NEK11: variants seen among roughly 807,000 people sequenced by gnomAD.
NEK11 encodes NIMA related kinase 11.
In NEK11, 72 loss-of-function variants were observed where a neutral mutation model predicts 80.7. The observed-to-expected ratio is 0.89, with a 90% CI of 0.74 to 1.08. NEK11 has a LOEUF of 1.08. Ranked by LOEUF, NEK11 falls within the 50% of genes least tolerant of loss-of-function variation. The probability of loss-of-function intolerance (pLI) is 0.00; values close to 1 mark genes in which losing one functional copy is unlikely to be tolerated. For synonymous variants in NEK11, 251 were observed against 260.7 expected (o/e 0.96, Z 0.36); for missense variants, 764 against 763.6 (o/e 1.00, Z -0.01).
chr3:131,174,344 C>G (rs2150097353), intron 14 of NEK11, among the ~76,000 whole-genome samples: 1 of 152,130 alleles, frequency 6.6e-6, no homozygotes, highest in East Asian at 1.9e-4. Context: ...TATTTTTTGC[C>G]TTTTAGAAGA....
intron 17 of NEK11, among the ~76,000 whole-genome samples, chr3:131,341,776 A>G (rs1225157024): frequency 6.6e-6 from 1 of 152,086 alleles, no homozygotes; most frequent in East Asian, 1.9e-4. Flanking sequence ...TTTAACTTAA[A>G]ATGTATTTTT....
chr3:131,230,840 T>C (rs2095315258), intron 15 of NEK11, among the ~76,000 whole-genome samples: 1 of 152,188 alleles, frequency 6.6e-6, no homozygotes, highest in South Asian at 2.1e-4. Flanking sequence ...CCATGTGTTA[T>C]GGGAGGGACA....
intron 16 of NEK11, among the ~76,000 whole-genome samples, chr3:131,272,511 T>C (rs1246498804): frequency 1.4e-5 from 2 of 141,852 alleles, no homozygotes; most frequent in Non-Finnish European, 3.0e-5. Flanking sequence ...AGCCTTGTTC[T>C]TTCACCCAGG....
chr3:131,208,376 A>G (rs1244782939), intron 14 of NEK11, among the ~76,000 whole-genome samples: 1 of 152,134 alleles, frequency 6.6e-6, no homozygotes, highest in Non-Finnish European at 1.5e-5. Flanking sequence ...GCCTTGTATT[A>G]TAGTTTGAAA....
rs1282372070 is a variant in NEK11 at position 131,097,852 on chromosome 3, A to T, written c.337-11951A>T. Among the ~76,000 whole-genome samples, 21 of 143,850 alleles carry T rather than the reference A, an allele frequency of 1.5e-4. 6 individuals carry two copies. Among genetic ancestry groups the T allele is most frequent in the Non-Finnish European group, 4.7e-5 (3 of 63,682 alleles). 94.4% of individuals were successfully genotyped at this position (143,850 alleles called of 152,430 possible). On this transcript the variant is annotated intron_variant, in intron 4 of 17. Transcript: ENST00000383366. ...AAAAAAGAGCCCGCATCGCCAAGTC[A>T]ATCCTAAGCCAAAAGAACAAAGCTG...
intron 17 of NEK11, among the ~76,000 whole-genome samples, chr3:131,275,137 T>C (rs552726265): frequency 1.3e-5 from 2 of 152,240 alleles, no homozygotes; most frequent in African/African-American, 4.8e-5. Flanking sequence ...AAGAACTGAT[T>C]CCCAGAAATT....
At chr3:131,248,380 ATAG>A (rs1271726881) in intron 16 of NEK11, among the ~76,000 whole-genome samples, 1 of 152,110 alleles carries the variant, frequency 6.6e-6, no homozygotes, top group Non-Finnish European at 1.5e-5. Flanking sequence ...ATGTGGGTAC[ATAG>A]TAGGTGTTTG....
chr3:131,034,492 C>T lies in NEK11; in HGVS notation c.170+4614C>T, dbSNP rs192291674. Among the ~76,000 whole-genome samples the T allele has an allele frequency of 9.5e-3, 1,446 of 152,242 alleles. 19 individuals are homozygous for T. The highest frequency in any genetic ancestry group is 0.031 in the African/African-American group (1,291 of 41,558). ...TTGGCTCACTGCAAGCTCCGCCTCC[C>T]GGCTTCACGCCATTCTCCTGCCTCA... On this transcript the variant is annotated intron_variant, in intron 3 of 17. Coordinates refer to ENST00000383366, the MANE Select transcript of NEK11 (RefSeq NM_024800.5).
chr3:131,142,900 A>G (rs2087265651), intron 7 of NEK11, among the ~76,000 whole-genome samples: 1 of 152,144 alleles, frequency 6.6e-6, no homozygotes, highest in South Asian at 2.1e-4. Context: ...TCAGTTGTGG[A>G]GGAAAGTAAT....
chr3:131,129,636 G>A (rs1218837521), intron 5 of NEK11, among the ~76,000 whole-genome samples: 1 of 152,120 alleles, frequency 6.6e-6, no homozygotes, highest in Non-Finnish European at 1.5e-5. Flanking sequence ...AAGGCTGTAA[G>A]GTCTGTGTCT....
intron 14 of NEK11, among the ~76,000 whole-genome samples, chr3:131,206,833 A>C (rs1194148690): frequency 6.6e-6 from 1 of 150,646 alleles, no homozygotes; most frequent in Admixed American, 6.6e-5. Context: ...TCCCTCCCCC[A>C]TCCCCTCACC....
rs763738422 is a variant in NEK11 at position 131,170,781 on chromosome 3, T to G, written c.1293T>G (p.Asp431Glu). 2.9e-5 allele frequency: 47 copies of G among 1,611,632 alleles called. No individual in the cohort carries two copies. Among genetic ancestry groups the G allele is most frequent in the Non-Finnish European group, 3.7e-5 (43 of 1,177,826 alleles). Residue 431 changes from aspartate (D) to glutamate (E), a missense_variant, in exon 14 of 18, where the codon GAT becomes GAG. Coordinates refer to ENST00000383366, the MANE Select transcript of NEK11 (RefSeq NM_024800.5). ...TAATTACCTTCCACAAGGAATCTGA[T>G]GAACCAACTTTAGAGAACCTGCCTG... ...ERWQGREEES[D>E]EPTLENLPES...
At chr3:131,067,162 C>T (rs778633841) in intron 3 of NEK11, among the ~76,000 whole-genome samples, 83 of 152,144 alleles carry the variant, frequency 5.5e-4, no homozygotes, top group Non-Finnish European at 1.1e-3. Flanking sequence ...AGGTGCATGA[C>T]AGTTTCTTAT....
chr3:131,084,546 C>T (rs1254781093), intron 4 of NEK11, among the ~76,000 whole-genome samples: 2 of 152,158 alleles, frequency 1.3e-5, no homozygotes, highest in African/African-American at 2.4e-5. Flanking sequence ...CTCCAGAAAC[C>T]TAGGCATTAA....
At chr3:131,054,618 A>G (rs2069023044) in intron 3 of NEK11, 1 of 151,856 alleles carries the variant, frequency 6.6e-6, no homozygotes, top group African/African-American at 2.4e-5. Context: ...TTAGCCAGGC[A>G]TGGTGGCACA....
rs141486238 is a variant in NEK11, at chr3:131,272,697, A to G, written c.1622-781A>G. ...CACCATGTTGGCCAGGCTGGTCCCA[A>G]ACTCGTGACCTCAGGTGATCCGCCC... On this transcript the variant is annotated intron_variant, in intron 16 of 17. Coordinates refer to ENST00000383366, the MANE Select transcript of NEK11 (RefSeq NM_024800.5). Among the ~76,000 whole-genome samples the G allele has an allele frequency of 2.0e-3, 301 of 151,934 alleles. 1 individual carries two copies. The highest frequency in any genetic ancestry group is 7.1e-3 in the African/African-American group (293 of 41,434).
chr3:131,175,667 A>G (rs556498629), intron 14 of NEK11, among the ~76,000 whole-genome samples: 158 of 152,286 alleles, frequency 1.0e-3, no homozygotes, highest in Non-Finnish European at 1.8e-3. Flanking sequence ...TAAGTTTGCT[A>G]TCTTGATTGT....
chr3:131,305,848 T>C (rs1393463874), intron 17 of NEK11, among the ~76,000 whole-genome samples: 4 of 152,128 alleles, frequency 2.6e-5, no homozygotes, highest in Non-Finnish European at 5.9e-5. Context: ...CCCTTACAGC[T>C]AAGCATCTGG....
chr3:131,350,070 T>TC lies in NEK11; in HGVS notation c.*295dup. ...CCTCAGGGCTTCCAGCAGGATTGAG[T>TC]CACCCTGACGATGACCGGGGAGAAG... is the stretch of plus-strand genomic sequence containing the variant. On this transcript the variant is annotated 3_prime_UTR_variant, in exon 18 of 18. Coordinates refer to ENST00000383366, the MANE Select transcript of NEK11 (RefSeq NM_024800.5). 1 of 343,876 alleles carries TC rather than the reference T, an allele frequency of 2.9e-6. No homozygotes were observed. The highest frequency in any genetic ancestry group is 5.4e-6 in the Non-Finnish European group (1 of 184,304). The allele number at this position is 343,876 out of a possible 1,614,324, so 21.3% of individuals were successfully genotyped here. A position where few individuals can be genotyped will look rare whatever the true frequency, so the allele number is the denominator to read the frequency against.
Sources: gnomAD v4.1 joint callset for allele counts (sites outside exome capture counted in the v4.1 genomes callset) on GRCh38, gnomAD v4.1.1 for gene constraint, MANE v1.5 for transcripts, NCBI Gene and HGNC (gene_info 2026-07-23, HGNC 2026-07-21) for gene names.